The following DIAPH3 variants were observed in gnomAD, a reference collection of about 807,000 sequenced individuals.
The protein encoded by DIAPH3 is protein diaphanous homolog 3.
In DIAPH3, 117 loss-of-function variants were observed where a neutral mutation model predicts 144.3. The observed-to-expected ratio is 0.81, with a 90% CI of 0.70 to 0.95. DIAPH3 has a LOEUF of 0.95. Ranked by LOEUF, DIAPH3 falls within the 40% of genes least tolerant of loss-of-function variation. The pLI is 0.00. For missense variants in DIAPH3, 1,421 were observed against 1,412.7 expected, an observed-to-expected ratio of 1.01 and a Z score of -0.09; for synonymous variants, 519 against 488.9, an observed-to-expected ratio of 1.06 and a Z score of -0.81.
chr13:60,096,565 G>C (rs1179768196), intron 3 of DIAPH3, among the ~76,000 whole-genome samples: 1 of 152,212 alleles, frequency 6.6e-6, no homozygotes, highest in Non-Finnish European at 1.5e-5. Flanking sequence ...TCTTTCAGAA[G>C]AGATTGGCAC....
rs1707980349 is a variant in DIAPH3, at chr13:59,992,572, C to T, written c.1026G>A (p.Met342Ile). The change falls in exon 10 of 28, where the codon ATG (methionine) becomes ATA (isoleucine). Residue 342 changes from methionine to isoleucine, a missense_variant. Coordinates refer to ENST00000400324, the MANE Select transcript of DIAPH3 (RefSeq NM_001042517.2). The part of the protein sequence containing the change: ...HNSVQLQVAC[M>I]QLINALVTSP... The stretch of plus-strand genomic sequence containing the variant: ...ATGTAACCAGGGCATTGATGAGCTG[C>T]ATACAAGCTACCTACAAGAGATCAA... 6.2e-7 allele frequency: 1 copy of T among 1,611,482 alleles called. No individual in the cohort carries two copies. Among genetic ancestry groups the T allele is most frequent in the African/African-American group, 1.3e-5 (1 of 74,788 alleles).
intron 1 of DIAPH3, among the ~76,000 whole-genome samples, chr13:60,155,932 G>A (rs1019932138): frequency 6.6e-6 from 1 of 152,222 alleles, no homozygotes; most frequent in Non-Finnish European, 1.5e-5. Context: ...AGTGAAGGCA[G>A]AGATTTAAAT....
At chr13:59,967,072 T>C (rs1328158863) in intron 17 of DIAPH3, among the ~76,000 whole-genome samples, 1 of 151,976 alleles carries the variant, frequency 6.6e-6, no homozygotes, top group Non-Finnish European at 1.5e-5. Flanking sequence ...TTTTTGTTTT[T>C]TTGTGTTTTT....
At chr13:59,954,728 T>C in intron 17 of DIAPH3, among the ~76,000 whole-genome samples, 1 of 152,094 alleles carries the variant, frequency 6.6e-6, no homozygotes, top group Non-Finnish European at 1.5e-5. Flanking sequence ...AGGAAATTTA[T>C]AGTCACAGCA....
intron 27 of DIAPH3, among the ~76,000 whole-genome samples, chr13:59,693,036 A>G (rs114481811): frequency 1.1e-3 from 174 of 152,350 alleles, no homozygotes; most frequent in African/African-American, 4.1e-3. Context: ...ACCTGATTTA[A>G]GTTTTAGAGG....
chr13:60,050,200 AG>A (rs1264711159), intron 4 of DIAPH3, among the ~76,000 whole-genome samples: 3 of 152,224 alleles, frequency 2.0e-5, no homozygotes, highest in African/African-American at 7.2e-5. Flanking sequence ...TCTCAAAAAA[AG>A]AAAAGACAGA....
intron 9 of DIAPH3, among the ~76,000 whole-genome samples, chr13:60,006,317 T>A (rs895684472): frequency 5.3e-5 from 8 of 152,212 alleles, no homozygotes; most frequent in African/African-American, 1.9e-4. Context: ...AGCCATTATT[T>A]ATCTCTTCCC....
chr13:59,670,442 C>T (rs1053219946), intron 27 of DIAPH3, among the ~76,000 whole-genome samples: 3 of 152,138 alleles, frequency 2.0e-5, no homozygotes, highest in Non-Finnish European at 2.9e-5. Flanking sequence ...TGTCTCCAGA[C>T]ATGGGAGACC....
chr13:60,052,275 A>G (rs959094937), intron 4 of DIAPH3, among the ~76,000 whole-genome samples: 1 of 152,198 alleles, frequency 6.6e-6, no homozygotes, highest in African/African-American at 2.4e-5. Context: ...GAGGGCACTA[A>G]GTAAATAGGA....
At chr13:59,696,014 A>C (rs1482325527) in intron 27 of DIAPH3, 3 of 152,214 alleles carry the variant, frequency 2.0e-5, no homozygotes, top group Non-Finnish European at 4.4e-5. Context: ...ACAAAGGAAA[A>C]CAACAACTTA....
At chr13:60,063,015 T>C (rs1206422247) in intron 4 of DIAPH3, among the ~76,000 whole-genome samples, 1 of 152,322 alleles carries the variant, frequency 6.6e-6, no homozygotes, top group Non-Finnish European at 1.5e-5. Flanking sequence ...ATCAATTGAC[T>C]CTTCCTTTCA....
At chr13:59,803,717 G>A (rs896424555) in intron 25 of DIAPH3, among the ~76,000 whole-genome samples, 3 of 152,154 alleles carry the variant, frequency 2.0e-5, no homozygotes, top group Admixed American at 6.5e-5. Flanking sequence ...TGGAGAAGAC[G>A]CAAATTAGTG....
chr13:59,697,599 C>G (rs1051723445), intron 27 of DIAPH3, among the ~76,000 whole-genome samples: 1 of 151,068 alleles, frequency 6.6e-6, no homozygotes, highest in African/African-American at 2.4e-5. Flanking sequence ...ATTAAGTCAT[C>G]GCAGCTACCA....
At chr13:59,721,554 T>C (rs560134739) in intron 27 of DIAPH3, among the ~76,000 whole-genome samples, 1 of 152,282 alleles carries the variant, frequency 6.6e-6, no homozygotes, top group African/African-American at 2.4e-5. Flanking sequence ...GGTGTGAGTT[T>C]CTCTATGTTC....
At chr13:59,997,869 T>G (rs2052300253) in intron 9 of DIAPH3, among the ~76,000 whole-genome samples, 1 of 152,064 alleles carries the variant, frequency 6.6e-6, no homozygotes, top group Non-Finnish European at 1.5e-5. Context: ...CAACAACATA[T>G]CAGCTTCAGG....
At chr13:60,133,339 C>T (rs1448936017) in intron 1 of DIAPH3, among the ~76,000 whole-genome samples, 1 of 151,632 alleles carries the variant, frequency 6.6e-6, no homozygotes, top group Non-Finnish European at 1.5e-5. Flanking sequence ...AATGAGGGCA[C>T]ATAGAAAAAA....
At chr13:59,839,938 C>A (rs538181667) in intron 22 of DIAPH3, among the ~76,000 whole-genome samples, 1 of 152,244 alleles carries the variant, frequency 6.6e-6, no homozygotes, top group East Asian at 1.9e-4. Context: ...CTTATAATGA[C>A]AAATGTCAAG....
At chr13:60,119,733 C>T (rs372963445) in intron 2 of DIAPH3, among the ~76,000 whole-genome samples, 30 of 108,896 alleles carry the variant, frequency 2.8e-4, no homozygotes, top group East Asian at 2.0e-3. Flanking sequence ...GGCGACAGAG[C>T]GAGACTCCGT....
chr13:59,823,194 C>A (rs182594844), intron 24 of DIAPH3, among the ~76,000 whole-genome samples: 2 of 151,912 alleles, frequency 1.3e-5, no homozygotes, highest in African/African-American at 4.8e-5. Flanking sequence ...ATGCATAGTA[C>A]GAATAAATCT....
Sources: gnomAD v4.1 joint callset for allele counts (sites outside exome capture counted in the v4.1 genomes callset) on GRCh38, gnomAD v4.1.1 for gene constraint, MANE v1.5 for transcripts, NCBI Gene and HGNC (gene_info 2026-07-23, HGNC 2026-07-21) for gene names.